Variants in NTF3 observed in about 807,000 individuals in gnomAD.
NTF3 encodes the protein neurotrophin 3.
In NTF3, 8 loss-of-function variants were observed where a neutral mutation model predicts 26.3. The observed-to-expected ratio is 0.30, with a 90% CI of 0.18 to 0.55. The LOEUF is 0.55. NTF3 is among the 20% of genes least tolerant of loss of function. The pLI is 0.93. For synonymous variants in NTF3, 154 were observed against 145.5 expected (o/e 1.06, Z -0.42); for missense variants, 276 against 352.9 (o/e 0.78, Z 1.75).
intron 1 of NTF3, among the ~76,000 whole-genome samples, chr12:5,480,390 G>A (rs1229734191): frequency 6.6e-6 from 1 of 152,184 alleles, no homozygotes; most frequent in Non-Finnish European, 1.5e-5. Context: ...ATAGAATGCT[G>A]TGTTGCCTTG....
At chr12:5,472,036 G>A (rs1406668758) in intron 1 of NTF3, among the ~76,000 whole-genome samples, 1 of 152,094 alleles carries the variant, frequency 6.6e-6, no homozygotes, top group African/African-American at 2.4e-5. Context: ...GCGGTCTGAG[G>A]TCCTGGCCAA....
chr12:5,431,265 G>T (rs1209690049), upstream of NTF3, among the ~76,000 whole-genome samples: 1 of 152,166 alleles, frequency 6.6e-6, no homozygotes, highest in Non-Finnish European at 1.5e-5. Context: ...CTGGGCGAGT[G>T]ATTAGCTGCA....
chr12:5,443,867 A>G (rs1047890260), intron 1 of NTF3, among the ~76,000 whole-genome samples: 8 of 151,980 alleles, frequency 5.3e-5, no homozygotes, highest in African/African-American at 1.9e-4. Flanking sequence ...GAGAGAGAGA[A>G]AAAAAAAGAA....
At chr12:5,448,754 G>A (rs867751283) in intron 1 of NTF3, among the ~76,000 whole-genome samples, 2 of 152,132 alleles carry the variant, frequency 1.3e-5, no homozygotes, top group African/African-American at 4.8e-5. Context: ...AGAAAGAGCT[G>A]ACTTACTTTA....
chr12:5,438,157 CA>C (rs796739638), intron 1 of NTF3, among the ~76,000 whole-genome samples: 2,565 of 101,258 alleles, frequency 0.025, 25 homozygotes, highest in Non-Finnish European at 0.035. Context: ...TGAGGCTGGA[CA>C]AAAAAAAAAA....
intron 1 of NTF3, among the ~76,000 whole-genome samples, chr12:5,451,237 C>A (rs1308018955): frequency 6.6e-6 from 1 of 152,208 alleles, no homozygotes; most frequent in Non-Finnish European, 1.5e-5. Context: ...ACTGTGCCTC[C>A]TAACCACGGC....
intron 1 of NTF3, among the ~76,000 whole-genome samples, chr12:5,471,242 C>T (rs541683613): frequency 3.9e-5 from 6 of 152,168 alleles, no homozygotes; most frequent in South Asian, 4.1e-4. Context: ...ACAGGGGGCC[C>T]GGAGACCTGG....
chr12:5,484,295 TCACAGGGA>T (rs1940842020), intron 1 of NTF3, among the ~76,000 whole-genome samples: 1 of 152,176 alleles, frequency 6.6e-6, no homozygotes, highest in Non-Finnish European at 1.5e-5. Context: ...ACCCTGGGCT[TCACAGGGA>T]CACAGAGAAA....
chr12:5,443,853 A>C (rs992238350), intron 1 of NTF3, among the ~76,000 whole-genome samples: 1 of 152,046 alleles, frequency 6.6e-6, no homozygotes, highest in African/African-American at 2.4e-5. Flanking sequence ...GTGTGTGTGC[A>C]TGAGAGAGAG....
At chr12:5,461,727 T>C (rs1940528886) in intron 1 of NTF3, among the ~76,000 whole-genome samples, 1 of 152,136 alleles carries the variant, frequency 6.6e-6, no homozygotes, top group Non-Finnish European at 1.5e-5. Context: ...ATGTGCCCTC[T>C]CTATGTGTTG....
At chr12:5,482,175 C>T (rs576292982) in intron 1 of NTF3, among the ~76,000 whole-genome samples, 40 of 152,130 alleles carry the variant, frequency 2.6e-4, no homozygotes, top group African/African-American at 7.9e-4. Context: ...TACACGAGCG[C>T]GCACACACAC....
chr12:5,481,063 G>A (rs1272655231), intron 1 of NTF3, among the ~76,000 whole-genome samples: 1 of 152,098 alleles, frequency 6.6e-6, no homozygotes, highest in Non-Finnish European at 1.5e-5. Context: ...AGGACCCGCA[G>A]AGCTGGCTCG....
At chr12:5,442,943 A>G (rs987340826) in intron 1 of NTF3, among the ~76,000 whole-genome samples, 5 of 150,518 alleles carry the variant, frequency 3.3e-5, no homozygotes, top group Admixed American at 2.6e-4. Flanking sequence ...GAAGCAGACT[A>G]CAGGATGTGG....
chr12:5,488,461 C>G (rs1940895799), intron 1 of NTF3, among the ~76,000 whole-genome samples: 2 of 152,188 alleles, frequency 1.3e-5, no homozygotes, highest in Non-Finnish European at 2.9e-5. Flanking sequence ...CCACCAGGAT[C>G]TCTCTCTCCC....
At position 5,456,612 on chromosome 12, in the gene NTF3, C is replaced by A. The variant is rs936501196; in HGVS notation, c.18+24270C>A. ...AGCTCTGGGGGTCCTCTTCCACCCC[C>A]ACCCCCACCCCCAGCCCCTGGAGCA... is the stretch of plus-strand genomic sequence containing the variant. On this transcript the variant is annotated intron_variant, in intron 1 of 1. Coordinates refer to ENST00000423158, the MANE Select transcript of NTF3 (RefSeq NM_001102654.2). The surrounding 1 kb of genome is among the most constrained non-coding windows in gnomAD (Gnocchi z 4.4). 7.9e-5 allele frequency among the ~76,000 whole-genome samples: 12 copies of A among 152,086 alleles called. No individual in the cohort carries two copies. The highest frequency in any genetic ancestry group is 1.3e-4 in the Non-Finnish European group (9 of 68,024).
At chr12:5,466,959 G>A (rs1308197834) in intron 1 of NTF3, among the ~76,000 whole-genome samples, 1 of 152,094 alleles carries the variant, frequency 6.6e-6, no homozygotes, top group African/African-American at 2.4e-5. Flanking sequence ...TTGGCCGGGT[G>A]CAGTGGCTCA....
intron 1 of NTF3, among the ~76,000 whole-genome samples, chr12:5,432,865 C>G (rs1409504521): frequency 6.6e-6 from 1 of 151,858 alleles, no homozygotes; most frequent in Non-Finnish European, 1.5e-5. Flanking sequence ...GACAGAACTC[C>G]GGGCGGGGAG....
chr12:5,483,022 A>T (rs1591606264), intron 1 of NTF3, among the ~76,000 whole-genome samples: 8 of 141,684 alleles, frequency 5.6e-5, no homozygotes, highest in African/African-American at 1.1e-4. Context: ...TATCTCTCTC[A>T]GTCTCTGTAT....
chr12:5,439,970 A>C (rs952995266), intron 1 of NTF3, among the ~76,000 whole-genome samples: 7 of 152,200 alleles, frequency 4.6e-5, no homozygotes, highest in African/African-American at 1.2e-4. Flanking sequence ...GATGCAGAGC[A>C]GAGCAGCTGT....
Sources: allele counts gnomAD v4.1 joint callset (sites outside exome capture counted in the v4.1 genomes callset), GRCh38; gene constraint gnomAD v4.1.1; non-coding constraint Gnocchi (gnomAD v3.1); transcripts MANE v1.5; gene names NCBI Gene and HGNC (gene_info 2026-07-23, HGNC 2026-07-21).